The following REPS2 variants were observed in gnomAD, a reference collection of about 807,000 sequenced individuals.
REPS2 encodes ralBP1-associated Eps domain-containing protein 2.
A neutral mutation model predicts 53.6 loss-of-function variants in REPS2; 23 were observed. The ratio of observed to expected loss-of-function variants is 0.43; its 90% confidence interval spans 0.31 to 0.61. REPS2 has a LOEUF of 0.61. Among genes scored for constraint, REPS2 ranks in the 20% least tolerant of loss-of-function variants. REPS2 has a pLI of 0.11. For missense variants in REPS2, 446 were observed against 534.9 expected (o/e 0.83, Z 1.64); for synonymous variants, 238 against 218.6 (o/e 1.09, Z -0.78).
In REPS2 at chrX:16,979,795, C is replaced by CT. The variant is rs371364287; in HGVS notation, c.274-26412dup. ...GAAAGGTTTATCCCTTAGGTTATTA[C>CT]TTTTTTTTTTTTTTCCACACATGGG... On this transcript the variant is annotated intron_variant, in intron 1 of 17. Transcript: ENST00000357277. 2.1e-3 allele frequency among the ~76,000 whole-genome samples: 217 copies of CT among 101,792 alleles called. 1 individual carries two copies. Among genetic ancestry groups the CT allele is most frequent in the East Asian group, 1.0e-2 (33 of 3,309 alleles). The allele number at this position is 101,792 out of a possible 115,157, so 88.4% of individuals were successfully genotyped here.
chrX:17,037,568 G>A (rs1220899775), intron 5 of REPS2, among the ~76,000 whole-genome samples: 3 of 112,592 alleles, frequency 2.7e-5, no homozygotes, highest in Non-Finnish European at 5.6e-5. Context: ...CACCCGCCTT[G>A]GCCTCCCAAA....
intron 17 of REPS2, among the ~76,000 whole-genome samples, chrX:17,141,387 A>G (rs1027348886): frequency 8.9e-6 from 1 of 112,096 alleles, no homozygotes; most frequent in African/African-American, 3.2e-5. Context: ...ATTTTTATTG[A>G]TGAGTAGTAT....
chrX:17,140,586 C>A (rs1000063816), intron 17 of REPS2, among the ~76,000 whole-genome samples: 2 of 110,474 alleles, frequency 1.8e-5, no homozygotes, highest in African/African-American at 6.6e-5. Flanking sequence ...TCCATCAGTT[C>A]ATCTTATTTT....
chrX:17,176,050 C>T, the REPS2 span, among the ~76,000 whole-genome samples: 1 of 112,189 alleles, frequency 8.9e-6, no homozygotes, highest in Admixed American at 9.4e-5. Context: ...CCAGCACCCA[C>T]GTCTTGGTTG....
At chrX:17,126,613 G>A (rs1964441617) in intron 14 of REPS2, among the ~76,000 whole-genome samples, 1 of 111,802 alleles carries the variant, frequency 8.9e-6, no homozygotes, top group South Asian at 3.8e-4. Flanking sequence ...ATCTCCAAGA[G>A]GGAGATAGAC....
Position 16,947,083 on chromosome X carries a change from C to T in REPS2, c.222C>T (p.Pro74=), listed in dbSNP as rs776385444. Residue 74 remains proline, a synonymous_variant, in exon 1 of 18, where the codon CCC becomes CCT. Transcript: ENST00000357277. ...GCACGGCCACTGCGGCCGCCGGCCC[C>T]GTGGCTGACCTGTTTCGGGCATCGC... is the stretch of plus-strand genomic sequence containing the variant. The part of the protein sequence containing the change: ...APGTATAAAG[P]VADLFRASQL... 9.2e-7 allele frequency: 1 copy of T among 1,087,974 alleles called. No homozygotes were observed. Among genetic ancestry groups the T allele is most frequent in the African/African-American group, 1.9e-5 (1 of 52,538 alleles). 89.7% of individuals were successfully genotyped at this position (1,087,974 alleles called of 1,213,427 possible).
chrX:16,990,208 C>A (rs759889576), intron 1 of REPS2, among the ~76,000 whole-genome samples: 2 of 111,734 alleles, frequency 1.8e-5, no homozygotes, highest in African/African-American at 6.5e-5. Flanking sequence ...CCATATGATT[C>A]CATTTATGTA....
At position 16,966,373 on chromosome X, in the gene REPS2, G is replaced by T. The variant is rs190206114; in HGVS notation, c.273+19239G>T. Reference sequence around the variant, plus strand: ...AATTTGAGTATCTCATATCTGAAATGCTTGGGACCAGAAGTGTTTTGGATT... The same window carrying T: ...AATTTGAGTATCTCATATCTGAAATTCTTGGGACCAGAAGTGTTTTGGATT... On this transcript the variant is annotated intron_variant, in intron 1 of 17. Coordinates refer to ENST00000357277, the MANE Select transcript of REPS2 (RefSeq NM_004726.3). Among the ~76,000 whole-genome samples, 197 of 112,006 alleles carry T rather than the reference G, an allele frequency of 1.8e-3. 1 individual carries two copies. Among genetic ancestry groups the T allele is most frequent in the Non-Finnish European group, 2.5e-3 (135 of 53,182 alleles).
Position 17,006,357 on chromosome X carries a change from C to A in REPS2, c.397+13C>A. 7 of 1,203,345 alleles carry A rather than the reference C, an allele frequency of 5.8e-6. No individual in the cohort carries two copies. Among genetic ancestry groups the A allele is most frequent in the Non-Finnish European group, 7.9e-6 (7 of 889,324 alleles). ...AGTATTAAATGTGGTGAGTATCTCA[C>A]ATTTGTATGTTTTATTGTCCATGGC... is the stretch of plus-strand genomic sequence containing the variant. On this transcript the variant is annotated intron_variant, in intron 2 of 17. Coordinates refer to ENST00000357277, the MANE Select transcript of REPS2 (RefSeq NM_004726.3).
chrX:17,101,210 T>C (rs970117717), intron 13 of REPS2, among the ~76,000 whole-genome samples: 5 of 108,944 alleles, frequency 4.6e-5, no homozygotes, highest in East Asian at 2.9e-4. Context: ...CCCGCCACCA[T>C]GCCTGGCTAA....
intron 2 of REPS2, among the ~76,000 whole-genome samples, chrX:17,014,183 G>A (rs139042744): frequency 1.9e-4 from 21 of 111,941 alleles, no homozygotes; most frequent in African/African-American, 6.8e-4. Context: ...GAGAAATGCA[G>A]TGTATGGGAT....
chrX:17,108,653 G>A (rs752097124), intron 14 of REPS2, among the ~76,000 whole-genome samples: 5 of 111,646 alleles, frequency 4.5e-5, no homozygotes, highest in Non-Finnish European at 1.9e-5. Context: ...TATCTTTTAA[G>A]TTTTCTATTA....
intron 14 of REPS2, among the ~76,000 whole-genome samples, chrX:17,120,587 G>A (rs1416083274): frequency 9.0e-6 from 1 of 111,715 alleles, no homozygotes; most frequent in Admixed American, 9.5e-5. Flanking sequence ...CAGAGGTGGG[G>A]TCTAGTTGGC....
intron 1 of REPS2, among the ~76,000 whole-genome samples, chrX:16,949,600 G>A (rs139624017): frequency 1.8e-3 from 206 of 111,653 alleles, no homozygotes; most frequent in African/African-American, 6.1e-3. Context: ...TAGAGACGGC[G>A]TTTTGCCATG....
chrX:17,110,345 C>G (rs2062944617), intron 14 of REPS2, among the ~76,000 whole-genome samples: 1 of 94,859 alleles, frequency 1.1e-5, no homozygotes, highest in African/African-American at 4.0e-5. Flanking sequence ...ATCTACGTTA[C>G]ACTTACCTAG....
Position 17,074,061 on chromosome X carries a change from A to G in REPS2, c.1334-53A>G, listed in dbSNP as rs1049180552. The G allele has an allele frequency of 2.7e-6, 3 of 1,120,629 alleles. No individual in the cohort carries two copies. In the African/African-American group the frequency reaches 5.4e-5, roughly 20 times the overall value. The allele number at this position is 1,120,629 out of a possible 1,213,427, so 92.4% of individuals were successfully genotyped here. ...TGTTCTGTACTAGCCCAGGTGCTGC[A>G]TATAAACTTGTTTAACTGCAGAAAT... On this transcript the variant is annotated intron_variant, in intron 11 of 17. Coordinates refer to ENST00000357277, the MANE Select transcript of REPS2 (RefSeq NM_004726.3).
intron 2 of REPS2, among the ~76,000 whole-genome samples, chrX:17,015,618 G>T (rs2061483352): frequency 9.4e-6 from 1 of 106,732 alleles, no homozygotes; most frequent in Admixed American, 1.0e-4. Flanking sequence ...GTGTCCATGT[G>T]TTCTCATTGT....
chrX:16,956,104 C>T (rs1178886005), intron 1 of REPS2, among the ~76,000 whole-genome samples: 1 of 110,770 alleles, frequency 9.0e-6, no homozygotes, highest in East Asian at 2.8e-4. Flanking sequence ...AATGCCCTGC[C>T]TGGCTACTCC....
chrX:16,992,852 G>A (rs1037310466), intron 1 of REPS2, among the ~76,000 whole-genome samples: 4 of 112,098 alleles, frequency 3.6e-5, no homozygotes, highest in African/African-American at 1.3e-4. Flanking sequence ...GTTATATTAG[G>A]TTTTTCTGTA....
Sources: gnomAD v4.1 joint callset for allele counts (sites outside exome capture counted in the v4.1 genomes callset) on GRCh38, gnomAD v4.1.1 for gene constraint, MANE v1.5 for transcripts, NCBI Gene and HGNC (gene_info 2026-07-23, HGNC 2026-07-21) for gene names.